Variants in GATAD2A observed in about 807,000 individuals in gnomAD.
GATAD2A encodes transcriptional repressor p66-alpha.
Under a neutral mutation model 68.5 loss-of-function variants are expected in GATAD2A, and 12 were observed. The observed-to-expected ratio is 0.18, with a 90% CI of 0.11 to 0.28. The LOEUF (loss-of-function observed/expected upper bound fraction) is 0.28, where lower values mean the gene tolerates loss of function less well. GATAD2A is among the 10% of genes least tolerant of loss of function. GATAD2A has a pLI of 1.00. For synonymous variants in GATAD2A, 410 were observed against 375.3 expected (o/e 1.09, Z -1.07); for missense variants, 755 against 868.5 (o/e 0.87, Z 1.64).
chr19:19,424,468 G>A (rs1045238234), intron 1 of GATAD2A, among the ~76,000 whole-genome samples: 4 of 152,122 alleles, frequency 2.6e-5, no homozygotes, highest in Admixed American at 1.3e-4. Context: ...GAGATCAAGA[G>A]GTCTGCCCCC....
At chr19:19,448,014 C>G (rs1484972614) in intron 1 of GATAD2A, among the ~76,000 whole-genome samples, 1 of 152,242 alleles carries the variant, frequency 6.6e-6, no homozygotes, top group Non-Finnish European at 1.5e-5. Flanking sequence ...AGGGTTAAGG[C>G]CTCCCATTTT....
At chr19:19,450,194 G>C (rs2056222634) in intron 1 of GATAD2A, among the ~76,000 whole-genome samples, 1 of 152,214 alleles carries the variant, frequency 6.6e-6, no homozygotes, top group Admixed American at 6.5e-5. Flanking sequence ...CCCACTGTTT[G>C]GTGATGGGAA....
chr19:19,493,497 G>A (rs1394063943), intron 4 of GATAD2A, among the ~76,000 whole-genome samples: 4 of 152,200 alleles, frequency 2.6e-5, no homozygotes, highest in African/African-American at 7.2e-5. Flanking sequence ...CCTGGAGCCC[G>A]AAGCTCGCTG....
intron 1 of GATAD2A, among the ~76,000 whole-genome samples, chr19:19,419,037 C>G (rs1471130665): frequency 6.6e-6 from 1 of 152,160 alleles, no homozygotes; most frequent in Non-Finnish European, 1.5e-5. Context: ...TGGGCTGTCT[C>G]TCAGGGCCTG....
intron 8 of GATAD2A, among the ~76,000 whole-genome samples, chr19:19,498,988 G>A (rs1800789164): frequency 6.6e-6 from 1 of 152,210 alleles, no homozygotes. Flanking sequence ...GTGTGGTGGG[G>A]TAGACGTGAG....
At chr19:19,411,230 C>G (rs2050882993) in intron 1 of GATAD2A, among the ~76,000 whole-genome samples, 1 of 152,234 alleles carries the variant, frequency 6.6e-6, no homozygotes, top group Non-Finnish European at 1.5e-5. Flanking sequence ...GGGACCCAAC[C>G]CAGCCTTTCT....
At chr19:19,498,780 C>A (rs889140248) in intron 8 of GATAD2A, 58 bp downstream of exon 8, 2 of 1,457,124 alleles carry the variant, frequency 1.4e-6, no homozygotes, top group East Asian at 2.3e-5. Context: ...GGGTGCTGCC[C>A]CGTGGGTTCT....
intron 2 of GATAD2A, among the ~76,000 whole-genome samples, chr19:19,475,008 C>T (rs1393012378): frequency 6.6e-6 from 1 of 152,224 alleles, no homozygotes; most frequent in Non-Finnish European, 1.5e-5. Flanking sequence ...AGTCACATAG[C>T]GGATGCTCGG....
Position 19,502,360 on chromosome 19 carries a change from C to T in GATAD2A, c.1608C>T (p.Ala536=), listed in dbSNP as rs1001919593. Residue 536 remains alanine, a synonymous_variant, in exon 11 of 12, where the codon GCC becomes GCT. Coordinates refer to ENST00000683918, the MANE Select transcript of GATAD2A (RefSeq NM_001384528.1). ...CCAGCCAGCTGTCCCGGGGTTCGGC[C>T]ACGACGCCCCGAGGTGTCCTGCACA... ...QASSQLSRGS[A]TTPRGVLHTF... is the part of the protein sequence containing the mutation. The T allele has an allele frequency of 6.2e-7, 1 of 1,612,730 alleles. No homozygotes were observed. The highest frequency in any genetic ancestry group is 1.3e-5 in the African/African-American group (1 of 75,028).
At chr19:19,477,003 C>G (rs1466270649) in intron 2 of GATAD2A, among the ~76,000 whole-genome samples, 1 of 152,192 alleles carries the variant, frequency 6.6e-6, no homozygotes, top group Non-Finnish European at 1.5e-5. Context: ...TACTGAATCT[C>G]TGTGTGGCCT....
intron 1 of GATAD2A, among the ~76,000 whole-genome samples, chr19:19,393,636 T>A (rs765778881): frequency 6.6e-6 from 1 of 152,134 alleles, no homozygotes; most frequent in Non-Finnish European, 1.5e-5. Context: ...CTTGAGAATA[T>A]CCCTAAGTGC....
chr19:19,392,807 C>A (rs1456168852), intron 1 of GATAD2A, among the ~76,000 whole-genome samples: 1 of 151,230 alleles, frequency 6.6e-6, no homozygotes, highest in Non-Finnish European at 1.5e-5. Context: ...AGCCATTCTT[C>A]TGCCTCAGCC....
chr19:19,494,251 G>T (rs375235366), intron 4 of GATAD2A, 43 bp from the exon 5 acceptor site: 2 of 1,147,222 alleles, frequency 1.7e-6, no homozygotes, highest in African/African-American at 1.5e-5. Context: ...GAGAGGGACC[G>T]GCCCGGTGGC....
chr19:19,406,301 C>T lies in GATAD2A; in HGVS notation c.-7+282C>T, dbSNP rs936619797. On this transcript the variant is annotated intron_variant, in intron 1 of 11. Coordinates refer to ENST00000683918, the MANE Select transcript of GATAD2A (RefSeq NM_001384528.1). ...CCCCGCTTCCGTCCTGCGCTTCCTG[C>T]GGGGTCGGGGGAAGGGCTGGGCCGC... Among the ~76,000 whole-genome samples, 3 of 150,246 alleles carry T rather than the reference C, an allele frequency of 2.0e-5. No homozygotes were observed. In the South Asian group the frequency reaches 6.3e-4, roughly 32 times the overall value.
chr19:19,434,964 C>G (rs2054159048), intron 1 of GATAD2A: 1 of 376,534 alleles, frequency 2.7e-6, no homozygotes, highest in African/African-American at 2.1e-5. Flanking sequence ...CTGCCTTCAC[C>G]AGGAATGGTG....
chr19:19,414,829 C>T (rs2051394694), intron 1 of GATAD2A, among the ~76,000 whole-genome samples: 1 of 147,714 alleles, frequency 6.8e-6, no homozygotes, highest in Middle Eastern at 3.2e-3. Context: ...GCCACCACAC[C>T]CTGCCCCCTT....
In GATAD2A at chr19:19,496,139, C is replaced by G. The variant is rs1397131495; in HGVS notation, c.844C>G (p.Gln282Glu). The G allele has an allele frequency of 1.2e-6, 2 of 1,613,608 alleles. No individual in the cohort carries two copies. The highest frequency in any genetic ancestry group is 2.7e-5 in the African/African-American group (2 of 74,938). ...GGCGTCGGTGCCCAGTGTGCAGATT[C>G]AGGGACAGAGGATCATCCAGCAGGG... is the stretch of plus-strand genomic sequence containing the variant. ...PRASVPSVQI[Q>E]GQRIIQQGLI... Residue 282 changes from glutamine to glutamate, a missense_variant, in exon 7 of 12, where the codon CAG (glutamine) becomes GAG (glutamate). Physicochemically the swap from Gln to Glu is conservative, Grantham distance 29. Transcript: ENST00000683918.
intron 1 of GATAD2A, among the ~76,000 whole-genome samples, chr19:19,437,632 T>C (rs2054519586): frequency 6.6e-6 from 1 of 152,192 alleles, no homozygotes; most frequent in Non-Finnish European, 1.5e-5. Flanking sequence ...TAATCTACTT[T>C]CTGTTGATTT....
chr19:19,392,079 CTTTTTTTTTTTTTT>C (rs753791949), intron 1 of GATAD2A, among the ~76,000 whole-genome samples: 1 of 107,064 alleles, frequency 9.3e-6, no homozygotes, highest in East Asian at 2.5e-4. Context: ...AGAGTTTTTC[CTTTTTTTTTTTTTT>C]TTTTTTTTTG....
Sources: allele counts gnomAD v4.1 joint callset (sites outside exome capture counted in the v4.1 genomes callset), GRCh38; gene constraint gnomAD v4.1.1; transcripts MANE v1.5; gene names NCBI Gene and HGNC (gene_info 2026-07-23, HGNC 2026-07-21).